Variants in ST6GALNAC3 observed in about 807,000 individuals in gnomAD.
The protein encoded by ST6GALNAC3 is ST6 N-acetylgalactosaminide alpha-2,6-sialyltransferase 3, also known as alpha-N-acetylgalactosaminide alpha-2,6-sialyltransferase 3.
A neutral mutation model predicts 32.7 loss-of-function variants in ST6GALNAC3; 25 were observed. The ratio of observed to expected loss-of-function variants is 0.76; its 90% CI spans 0.56 to 1.07. The LOEUF is 1.07. Among genes scored for constraint, ST6GALNAC3 ranks in the 50% least tolerant of loss-of-function variants. The pLI is 0.00. For missense variants in ST6GALNAC3, 355 were observed against 382.4 expected (o/e 0.93, Z 0.60); for synonymous variants, 129 against 133.1 (o/e 0.97, Z 0.21).
At chr1:76,159,038 A>T (rs1651650820) in intron 1 of ST6GALNAC3, among the ~76,000 whole-genome samples, 2 of 152,020 alleles carry the variant, frequency 1.3e-5, no homozygotes. Context: ...TGTGATGGAG[A>T]GGGAGGCAGT....
rs566714912 is a variant in ST6GALNAC3, at chr1:76,087,148, T to G, written c.18+12264T>G. ...TAGAAGCCTGGTTTTGTGGCTTGAT[T>G]TGAGCCAAGATTTCTGCATGTGACT... On this transcript the variant is annotated intron_variant, in intron 1 of 4. Transcript: ENST00000328299. Among the ~76,000 whole-genome samples, 4 of 152,336 alleles carry G rather than the reference T, an allele frequency of 2.6e-5. No homozygotes were observed. The East Asian group carries it at 7.7e-4, about 29-fold the overall frequency.
chr1:76,209,300 G>A (rs187929461), intron 1 of ST6GALNAC3, among the ~76,000 whole-genome samples: 1 of 152,294 alleles, frequency 6.6e-6, no homozygotes, highest in East Asian at 1.9e-4. Context: ...GTTTTACTGT[G>A]TCAAAGCACT....
At chr1:76,562,689 T>C (rs1665315439) in intron 3 of ST6GALNAC3, among the ~76,000 whole-genome samples, 1 of 152,244 alleles carries the variant, frequency 6.6e-6, no homozygotes, top group Admixed American at 6.5e-5. Context: ...ACCCATTGTC[T>C]TTCATTGTGC....
intron 2 of ST6GALNAC3, among the ~76,000 whole-genome samples, chr1:76,344,781 A>G (rs192929138): frequency 6.6e-6 from 1 of 152,308 alleles, no homozygotes; most frequent in East Asian, 1.9e-4. Context: ...GGCTGAGTAA[A>G]TATCATTCTT....
intron 2 of ST6GALNAC3, among the ~76,000 whole-genome samples, chr1:76,368,827 G>A (rs1328408240): frequency 1.3e-5 from 2 of 152,052 alleles, no homozygotes; most frequent in Non-Finnish European, 2.9e-5. Flanking sequence ...GCATTCAGAG[G>A]GCTGTGGAAA....
chr1:76,302,016 A>T (rs1231657986), intron 1 of ST6GALNAC3, among the ~76,000 whole-genome samples: 2 of 152,000 alleles, frequency 1.3e-5, no homozygotes, highest in Non-Finnish European at 2.9e-5. Context: ...AAAATAGTCC[A>T]GGCACCATTT....
intron 4 of ST6GALNAC3, 64 bp from the exon 5 acceptor site, chr1:76,628,556 T>C: frequency 2.8e-6 from 4 of 1,431,550 alleles, no homozygotes; most frequent in Non-Finnish European, 3.7e-6. Context: ...AATGGATTCT[T>C]GTAAATGAGT....
At chr1:76,608,250 A>G (rs1404707492) in intron 3 of ST6GALNAC3, among the ~76,000 whole-genome samples, 4 of 152,234 alleles carry the variant, frequency 2.6e-5, no homozygotes, top group African/African-American at 9.6e-5. Flanking sequence ...AAATACTTCA[A>G]ATAAATAGAG....
rs560128377 is a variant in ST6GALNAC3 at position 76,634,267 on chromosome 1, T to C, written c.*5461T>C. ...TTGCCTATGAAGTGAGAGCTATTTC[T>C]AAGAAACTTCAAAAAGATCAAAACG... On this transcript the variant is annotated 3_prime_UTR_variant, in exon 5 of 5. Transcript: ENST00000328299. 1.3e-4 allele frequency: 85 copies of C among 671,838 alleles called. No homozygotes were observed. Among genetic ancestry groups the C allele is most frequent in the Non-Finnish European group, 1.5e-4 (83 of 543,438 alleles). 41.6% of individuals were successfully genotyped at this position (671,838 alleles called of 1,614,324 possible). A position where few individuals can be genotyped will look rare whatever the true frequency, so the allele number is the denominator to read the frequency against.
intron 2 of ST6GALNAC3, among the ~76,000 whole-genome samples, chr1:76,364,822 A>G (rs923215120): frequency 1.3e-5 from 2 of 152,186 alleles, no homozygotes; most frequent in African/African-American, 4.8e-5. Context: ...AAAAAGTCGG[A>G]AAATGACAAA....
At chr1:76,425,051 G>A (rs1655276378) in intron 3 of ST6GALNAC3, among the ~76,000 whole-genome samples, 1 of 151,930 alleles carries the variant, frequency 6.6e-6, no homozygotes, top group South Asian at 2.1e-4. Context: ...AGATCACCCC[G>A]ATGAAAATAA....
At chr1:76,327,337 T>C (rs1352019349) in intron 2 of ST6GALNAC3, among the ~76,000 whole-genome samples, 1 of 149,948 alleles carries the variant, frequency 6.7e-6, no homozygotes. Flanking sequence ...GAGAGAGATA[T>C]TGAGAAGGAG....
At chr1:76,310,739 T>C (rs985449681) in intron 1 of ST6GALNAC3, among the ~76,000 whole-genome samples, 1 of 152,190 alleles carries the variant, frequency 6.6e-6, no homozygotes, top group African/African-American at 2.4e-5. Context: ...CAGAAAGTTA[T>C]GTGGCTTTCC....
intron 2 of ST6GALNAC3, among the ~76,000 whole-genome samples, chr1:76,391,081 G>A (rs200275065): frequency 3.3e-5 from 5 of 150,458 alleles, no homozygotes; most frequent in East Asian, 2.0e-4. Context: ...CTGGGACTAC[G>A]GGCGCCCACC....
intron 3 of ST6GALNAC3, among the ~76,000 whole-genome samples, chr1:76,592,599 T>C (rs942089630): frequency 6.6e-6 from 1 of 152,010 alleles, no homozygotes; most frequent in African/African-American, 2.4e-5. Flanking sequence ...CAGAAAGCAT[T>C]TGGAGCCCCT....
chr1:76,180,650 T>C (rs1653118905), intron 1 of ST6GALNAC3, among the ~76,000 whole-genome samples: 1 of 151,970 alleles, frequency 6.6e-6, no homozygotes, highest in African/African-American at 2.4e-5. Context: ...AGCAGACAAA[T>C]GGCAGAATGT....
At chr1:76,308,576 CAT>C (rs1661206595) in intron 1 of ST6GALNAC3, among the ~76,000 whole-genome samples, 1 of 152,096 alleles carries the variant, frequency 6.6e-6, no homozygotes, top group African/African-American at 2.4e-5. Context: ...ACGTAGAACA[CAT>C]GTGTAAACAG....
At chr1:76,628,081 T>C (rs532074868) in intron 4 of ST6GALNAC3, among the ~76,000 whole-genome samples, 9 of 152,100 alleles carry the variant, frequency 5.9e-5, no homozygotes, top group Non-Finnish European at 1.0e-4. Context: ...TCCTTGCTGG[T>C]GGGATAGTTT....
intron 1 of ST6GALNAC3, among the ~76,000 whole-genome samples, chr1:76,235,695 G>A (rs1386777213): frequency 6.7e-6 from 1 of 149,330 alleles, no homozygotes; most frequent in African/African-American, 2.5e-5. Flanking sequence ...TAGGGCTATG[G>A]TAACAAGGTG....
Sources: allele counts gnomAD v4.1 joint callset (sites outside exome capture counted in the v4.1 genomes callset), GRCh38; gene constraint gnomAD v4.1.1; transcripts MANE v1.5; gene names NCBI Gene and HGNC (gene_info 2026-07-23, HGNC 2026-07-21).